The following SLC24A3 variants were observed in gnomAD, a reference collection of about 807,000 sequenced individuals.
SLC24A3 encodes sodium/potassium/calcium exchanger 3.
Under a neutral mutation model 75.8 loss-of-function variants are expected in SLC24A3, and 28 were observed. The observed-to-expected ratio is 0.37, with a 90% CI of 0.27 to 0.51. The LOEUF is 0.51. Among genes scored for constraint, SLC24A3 ranks in the 20% least tolerant of loss-of-function variants. The pLI is 0.94. For synonymous variants in SLC24A3, 372 were observed against 334.1 expected (o/e 1.11, Z -1.24); for missense variants, 663 against 847.8 (o/e 0.78, Z 2.71).
rs143657083 is a variant in SLC24A3 at position 19,593,974 on chromosome 20, C to A, written c.612+8430C>A. ...ACAACAGCTGCCGGGTGGGCCCAGG[C>A]ACCCCTAGCCTTAGCACAGAGACCC... On this transcript the variant is annotated intron_variant, in intron 6 of 16. Coordinates refer to ENST00000328041, the MANE Select transcript of SLC24A3 (RefSeq NM_020689.4). Among the ~76,000 whole-genome samples, 87 of 152,306 alleles carry A rather than the reference C, an allele frequency of 5.7e-4. 1 individual carries two copies. The East Asian group carries it at 0.016, about 28-fold the overall frequency.
chr20:19,441,603 C>T (rs1372577218), intron 2 of SLC24A3, among the ~76,000 whole-genome samples: 1 of 152,132 alleles, frequency 6.6e-6, no homozygotes, highest in Admixed American at 6.5e-5. Context: ...TACCCATCTA[C>T]CCCCGTTTTC....
At chr20:19,366,004 C>T (rs940975581) in intron 2 of SLC24A3, among the ~76,000 whole-genome samples, 2 of 152,100 alleles carry the variant, frequency 1.3e-5, no homozygotes, top group African/African-American at 4.8e-5. Flanking sequence ...CTTTGCTAAC[C>T]CCTTCCAGGT....
At chr20:19,262,248 C>G (rs948979402) in intron 1 of SLC24A3, among the ~76,000 whole-genome samples, 2 of 150,626 alleles carry the variant, frequency 1.3e-5, no homozygotes, top group African/African-American at 2.4e-5. Flanking sequence ...CTAAAAAACA[C>G]AAAAAAATTA....
intron 6 of SLC24A3, among the ~76,000 whole-genome samples, chr20:19,616,650 A>T (rs75997324): frequency 0.052 from 7,878 of 152,108 alleles, 295 homozygotes; most frequent in Non-Finnish European, 0.067. Context: ...CCCCAAGAAA[A>T]TGGGTTCCAG....
At chr20:19,405,306 TC>T (rs1986623108) in intron 2 of SLC24A3, among the ~76,000 whole-genome samples, 1 of 152,140 alleles carries the variant, frequency 6.6e-6, no homozygotes. Context: ...TGGTGCTTCT[TC>T]CAGCAGCTCT....
intron 2 of SLC24A3, among the ~76,000 whole-genome samples, chr20:19,342,824 A>G (rs1287331937): frequency 6.6e-6 from 1 of 152,152 alleles, no homozygotes; most frequent in East Asian, 1.9e-4. Flanking sequence ...TAATCCTAGC[A>G]CTTTGGGAGG....
intron 6 of SLC24A3, among the ~76,000 whole-genome samples, chr20:19,628,376 G>A (rs2031892711): frequency 6.6e-6 from 1 of 152,072 alleles, no homozygotes; most frequent in African/African-American, 2.4e-5. Flanking sequence ...TAACAACAAT[G>A]TATAAACCAC....
At chr20:19,342,875 C>G (rs1985300452) in intron 2 of SLC24A3, among the ~76,000 whole-genome samples, 1 of 151,770 alleles carries the variant, frequency 6.6e-6, no homozygotes, top group Non-Finnish European at 1.5e-5. Flanking sequence ...TTGAGACCAT[C>G]CTGGCTAACA....
intron 2 of SLC24A3, among the ~76,000 whole-genome samples, chr20:19,495,481 T>C (rs1335874421): frequency 1.3e-5 from 2 of 152,352 alleles, no homozygotes; most frequent in East Asian, 3.9e-4. Context: ...CCTCGCTCTG[T>C]AGAGCATCGC....
At chr20:19,360,387 T>C (rs1271750561) in intron 2 of SLC24A3, among the ~76,000 whole-genome samples, 3 of 152,190 alleles carry the variant, frequency 2.0e-5, no homozygotes, top group Non-Finnish European at 4.4e-5. Context: ...ACCCAATATC[T>C]CAACATGAGA....
chr20:19,238,704 G>C (rs553303421), intron 1 of SLC24A3, among the ~76,000 whole-genome samples: 2 of 152,300 alleles, frequency 1.3e-5, no homozygotes, highest in South Asian at 4.1e-4. Context: ...GGGAGCAGTT[G>C]CCAGTGCCCT....
intron 2 of SLC24A3, among the ~76,000 whole-genome samples, chr20:19,375,699 A>G (rs1354831530): frequency 6.6e-6 from 1 of 152,196 alleles, no homozygotes; most frequent in Non-Finnish European, 1.5e-5. Flanking sequence ...CATCTGTCAA[A>G]CCAGGGGCCA....
chr20:19,339,387 A>T (rs780320595), intron 2 of SLC24A3, among the ~76,000 whole-genome samples: 3 of 152,202 alleles, frequency 2.0e-5, no homozygotes, highest in Non-Finnish European at 4.4e-5. Flanking sequence ...AAGAATATTA[A>T]TTCCTAAGCT....
At chr20:19,585,162 A>T (rs1324789365) in intron 5 of SLC24A3, 107 bp downstream of exon 5, 1 of 1,020,416 alleles carries the variant, frequency 9.8e-7, no homozygotes, top group African/African-American at 1.6e-5. Context: ...ATAGAAAATG[A>T]TAATCCAGGG....
At chr20:19,426,971 G>A (rs1987017688) in intron 2 of SLC24A3, among the ~76,000 whole-genome samples, 1 of 152,176 alleles carries the variant, frequency 6.6e-6, no homozygotes, top group Non-Finnish European at 1.5e-5. Flanking sequence ...TGCGTGAAGG[G>A]GAAGCAGGCA....
intron 7 of SLC24A3, among the ~76,000 whole-genome samples, chr20:19,654,641 C>CTTTTTT (rs34507566): frequency 1.4e-4 from 13 of 89,958 alleles, no homozygotes; most frequent in Non-Finnish European, 2.1e-4. Flanking sequence ...AAATAGAATC[C>CTTTTTT]TTTTTTTTTT....
At chr20:19,297,081 G>A (rs6045974) in intron 2 of SLC24A3, among the ~76,000 whole-genome samples, 1 of 152,106 alleles carries the variant, frequency 6.6e-6, no homozygotes, top group African/African-American at 2.4e-5. Context: ...CCAGCACCTA[G>A]GTTCTATAGT....
At chr20:19,472,730 G>A (rs1261101674) in intron 2 of SLC24A3, among the ~76,000 whole-genome samples, 4 of 152,184 alleles carry the variant, frequency 2.6e-5, no homozygotes, top group African/African-American at 4.8e-5. Context: ...TTGGATGAAC[G>A]GGATTGTGGA....
At chr20:19,263,521 T>C (rs1983063157) in intron 1 of SLC24A3, among the ~76,000 whole-genome samples, 2 of 152,218 alleles carry the variant, frequency 1.3e-5, no homozygotes, top group South Asian at 4.1e-4. Context: ...GGCGTTGCTC[T>C]CTGGCTGAAA....
Sources: gnomAD v4.1 joint callset for allele counts (sites outside exome capture counted in the v4.1 genomes callset) on GRCh38, gnomAD v4.1.1 for gene constraint, MANE v1.5 for transcripts, NCBI Gene and HGNC (gene_info 2026-07-23, HGNC 2026-07-21) for gene names.